RABGAP1L: variants seen among roughly 807,000 people sequenced by gnomAD.
RABGAP1L encodes the protein rab GTPase-activating protein 1-like.
In RABGAP1L, 63 loss-of-function variants were observed where a neutral mutation model predicts 137.7. That is an observed-to-expected ratio of 0.46 (90% CI 0.37 to 0.56). The LOEUF (loss-of-function observed/expected upper bound fraction) is 0.56, where lower values mean the gene tolerates loss of function less well. Among genes scored for constraint, RABGAP1L ranks in the 20% least tolerant of loss-of-function variants. RABGAP1L has a pLI of 0.00. For synonymous variants in RABGAP1L, 431 were observed against 433.7 expected, an observed-to-expected ratio of 0.99 and a Z score of 0.08; for missense variants, 1,095 against 1,244.0, an observed-to-expected ratio of 0.88 and a Z score of 1.80.
intron 13 of RABGAP1L, among the ~76,000 whole-genome samples, chr1:174,575,511 G>A (rs917228990): frequency 1.3e-5 from 2 of 152,054 alleles, no homozygotes; most frequent in Non-Finnish European, 2.9e-5. Flanking sequence ...GAAATTTTAA[G>A]CAAGGTCTTG....
chr1:174,823,490 G>A (rs762371855), intron 19 of RABGAP1L, among the ~76,000 whole-genome samples: 5 of 152,042 alleles, frequency 3.3e-5, no homozygotes, highest in African/African-American at 1.2e-4. Context: ...TTGGGGATCC[G>A]ATTTACAGAA....
chr1:174,236,707 A>C, intron 4 of RABGAP1L, among the ~76,000 whole-genome samples: 1 of 119,080 alleles, frequency 8.4e-6, no homozygotes, highest in South Asian at 3.2e-4. Flanking sequence ...TCAATTTTGG[A>C]ATAGGTGTGG....
intron 18 of RABGAP1L, chr1:174,800,020 G>A (rs1334945976): frequency 4.4e-6 from 5 of 1,135,594 alleles, no homozygotes; most frequent in Non-Finnish European, 4.3e-6. Context: ...TAAGCAGCTT[G>A]TCCGTTTTTA....
At chr1:174,846,320 G>C (rs1281220474) in intron 19 of RABGAP1L, among the ~76,000 whole-genome samples, 2 of 149,894 alleles carry the variant, frequency 1.3e-5, no homozygotes, top group Non-Finnish European at 3.0e-5. Flanking sequence ...TGTGATGTTA[G>C]GGTGTCAATT....
At chr1:174,202,929 T>G (rs1198731470) in intron 1 of RABGAP1L, among the ~76,000 whole-genome samples, 1 of 152,162 alleles carries the variant, frequency 6.6e-6, no homozygotes, top group Non-Finnish European at 1.5e-5. Context: ...CATTGCTTCT[T>G]TTTGTCAGGT....
At chr1:174,763,837 CAAAAAAAAAAA>C (rs570110788) in intron 18 of RABGAP1L, among the ~76,000 whole-genome samples, 1,518 of 81,192 alleles carry the variant, frequency 0.019, 45 homozygotes, top group African/African-American at 0.069. Context: ...GACTCCGTCT[CAAAAAAAAAAA>C]AAAAAAAAAA....
chr1:174,448,031 C>T lies in RABGAP1L; in HGVS notation c.1710+53886C>T. 4 of 1,184,164 alleles carry T rather than the reference C, an allele frequency of 3.4e-6. No individual in the cohort carries two copies. The highest frequency in any genetic ancestry group is 4.9e-6 in the Non-Finnish European group (4 of 819,928). 73.4% of individuals were successfully genotyped at this position (1,184,164 alleles called of 1,614,324 possible). A position where few individuals can be genotyped will look rare whatever the true frequency, so the allele number is the denominator to read the frequency against. ...CTACTGAAGCAGGTTCTGAAACACTCATGTGCGGTGTTTAACAGATGCTGG... is the reference window on the plus strand; with the variant it reads ...CTACTGAAGCAGGTTCTGAAACACTTATGTGCGGTGTTTAACAGATGCTGG... On this transcript the variant is annotated intron_variant, in intron 13 of 25. Transcript: ENST00000681986. The surrounding 1 kb of genome is among the most constrained non-coding windows in gnomAD (Gnocchi z 4.2).
intron 13 of RABGAP1L, among the ~76,000 whole-genome samples, chr1:174,624,056 A>T (rs900774641): frequency 6.6e-6 from 1 of 152,228 alleles, no homozygotes; most frequent in African/African-American, 2.4e-5. Context: ...GTTTGCATTG[A>T]AAATCACCTT....
chr1:174,613,571 G>T (rs992371223), intron 13 of RABGAP1L, among the ~76,000 whole-genome samples: 1 of 152,134 alleles, frequency 6.6e-6, no homozygotes, highest in African/African-American at 2.4e-5. Context: ...TGGCTGTTAG[G>T]TCTGCTTGGT....
chr1:174,506,945 CA>C (rs61249400), intron 13 of RABGAP1L, among the ~76,000 whole-genome samples: 2,800 of 151,900 alleles, frequency 0.018, 87 homozygotes, highest in African/African-American at 0.064. Flanking sequence ...CTCATCTCTA[CA>C]AAAAAAATAC....
intron 13 of RABGAP1L, among the ~76,000 whole-genome samples, chr1:174,598,798 A>C (rs1428745489): frequency 6.6e-6 from 1 of 151,666 alleles, no homozygotes; most frequent in Admixed American, 6.6e-5. Context: ...GTCTTTATTG[A>C]TGAAATATTT....
chr1:174,527,204 G>GTTTTTTTTTTTTT (rs57011947), intron 13 of RABGAP1L, among the ~76,000 whole-genome samples: 2 of 119,660 alleles, frequency 1.7e-5, no homozygotes, highest in Non-Finnish European at 3.4e-5. Context: ...TTTTTATTTT[G>GTTTTTTTTTTTTT]TTTTTTTTTT....
At position 174,811,872 on chromosome 1, in the gene RABGAP1L, C is replaced by G. The variant is rs1167049316; in HGVS notation, c.2252C>G (p.Ala751Gly). 1 of 1,605,780 alleles carries G rather than the reference C, an allele frequency of 6.2e-7. No homozygotes were observed. Among genetic ancestry groups the G allele is most frequent in the South Asian group, 1.1e-5 (1 of 88,848 alleles). The change falls in exon 19 of 26, where the codon GCT (alanine) becomes GGT (glycine). Residue 751 changes from alanine to glycine, a missense_variant. By Grantham distance (60) the Ala-to-Gly change is moderately conservative. Around this residue, in one of 4 missense-constraint regions of RABGAP1L, gnomAD observed 312 missense variants for 435.6 expected, o/e 0.72. Transcript: ENST00000681986. ...CTTCTGCAGGCTGATTTTGAAGGTG[C>G]TTTAAAGTTCTTTAGAGTTCAGCTT... ...EDLLQADFEGALKFFRVQLPK... is the reference protein window; with the variant it reads ...EDLLQADFEGGLKFFRVQLPK...
rs950572004 is a variant in RABGAP1L at position 174,651,391 on chromosome 1, G to C, written c.1824+13903G>C. Among the ~76,000 whole-genome samples, 4 of 152,276 alleles carry C rather than the reference G, an allele frequency of 2.6e-5. No individual in the cohort carries two copies. In the South Asian group the frequency reaches 8.3e-4, roughly 32 times the overall value. On this transcript the variant is annotated intron_variant, in intron 14 of 25. Coordinates refer to ENST00000681986, the MANE Select transcript of RABGAP1L (RefSeq NM_001366446.1). ...CTCAGTTCAATTCCCAGGTATCCTT[G>C]TTAACTTTCTGTCTCGTTGATCTGT...
chr1:174,555,500 A>G (rs1014934023), intron 13 of RABGAP1L, among the ~76,000 whole-genome samples: 4 of 152,080 alleles, frequency 2.6e-5, no homozygotes, highest in Non-Finnish European at 4.4e-5. Flanking sequence ...ACATTTGTCG[A>G]GCATTTATTA....
At chr1:174,574,992 A>T (rs1432587315) in intron 13 of RABGAP1L, among the ~76,000 whole-genome samples, 1 of 152,150 alleles carries the variant, frequency 6.6e-6, no homozygotes, top group Non-Finnish European at 1.5e-5. Context: ...GTGCAATGGC[A>T]CAATCTCGGC....
At chr1:174,918,059 A>G (rs1389030545) in intron 19 of RABGAP1L, among the ~76,000 whole-genome samples, 1 of 152,168 alleles carries the variant, frequency 6.6e-6, no homozygotes, top group Non-Finnish European at 1.5e-5. Context: ...AACAGAAAGC[A>G]GAGTCTTCTC....
At chr1:174,680,899 A>G (rs1349582472) in intron 14 of RABGAP1L, among the ~76,000 whole-genome samples, 1 of 152,214 alleles carries the variant, frequency 6.6e-6, no homozygotes, top group Non-Finnish European at 1.5e-5. Context: ...AAAAAAACAA[A>G]AAACAAAAAT....
At chr1:174,234,588 A>G (rs1379429827) in intron 4 of RABGAP1L, among the ~76,000 whole-genome samples, 3 of 150,808 alleles carry the variant, frequency 2.0e-5, no homozygotes, top group South Asian at 4.2e-4. Flanking sequence ...GGTATGCGGC[A>G]TTATTTCTGA....
Sources: gnomAD v4.1 joint callset for allele counts (sites outside exome capture counted in the v4.1 genomes callset) on GRCh38, gnomAD v4.1.1 for gene constraint, gnomAD v4.1.1 regional missense constraint, Gnocchi (gnomAD v3.1) non-coding constraint, MANE v1.5 for transcripts, NCBI Gene and HGNC (gene_info 2026-07-23, HGNC 2026-07-21) for gene names.